The following IQCJ variants were observed in gnomAD, a reference collection of about 807,000 sequenced individuals.
IQCJ encodes the protein IQ domain-containing protein J.
A neutral mutation model predicts 11.0 loss-of-function variants in IQCJ; 9 were observed. The observed-to-expected ratio is 0.82, with a 90% CI of 0.49 to 1.43. The LOEUF (loss-of-function observed/expected upper bound fraction) is 1.43, where lower values mean the gene tolerates loss of function less well. Among genes scored for constraint, IQCJ ranks in the 40% most tolerant of loss-of-function variants. The pLI is 0.00. For missense variants in IQCJ, 146 were observed against 133.2 expected (o/e 1.10, Z -0.47); for synonymous variants, 55 against 51.3 (o/e 1.07, Z -0.31).
intron 1 of IQCJ, among the ~76,000 whole-genome samples, chr3:159,179,545 C>CGGCCGGGCGCGGTGGCTCACGCCTGT (rs1425375340): frequency 6.6e-6 from 1 of 152,158 alleles, no homozygotes; most frequent in African/African-American, 2.4e-5. Context: ...AAGTGTGAAT[C>CGGCCGGGCGCGGTGGCTCACGCCTGT]ATCTTCTCAC....
At chr3:159,180,001 G>A (rs560636733) in intron 1 of IQCJ, among the ~76,000 whole-genome samples, 1 of 152,280 alleles carries the variant, frequency 6.6e-6, no homozygotes, top group Non-Finnish European at 1.5e-5. Context: ...AGAGGAGGGT[G>A]AGCATATGTG....
At chr3:159,203,970 T>C (rs1305036828) in intron 1 of IQCJ, among the ~76,000 whole-genome samples, 1 of 152,128 alleles carries the variant, frequency 6.6e-6, no homozygotes, top group African/African-American at 2.4e-5. Context: ...ACAGGGTCAG[T>C]TCTCTGTAGC....
chr3:159,185,975 C>A (rs1022195875), intron 1 of IQCJ, among the ~76,000 whole-genome samples: 2 of 152,158 alleles, frequency 1.3e-5, no homozygotes, highest in African/African-American at 4.8e-5. Flanking sequence ...GAATTAGACT[C>A]CAACTTTTGA....
At position 159,094,546 on chromosome 3, in the gene IQCJ, A is replaced by G. The variant is rs548942509; in HGVS notation, c.9+25105A>G. Among the ~76,000 whole-genome samples the G allele has an allele frequency of 1.5e-3, 223 of 149,804 alleles. 3 individuals carry two copies. Among genetic ancestry groups the G allele is most frequent in the African/African-American group, 5.5e-3 (221 of 40,350 alleles). ...TTTAGGAGGACAGATATCAGACCCT[A>G]CCTTACACGATTCCATCCTTCAATG... On this transcript the variant is annotated intron_variant, in intron 1 of 3. Coordinates refer to ENST00000397832, the MANE Select transcript of IQCJ (RefSeq NM_001042706.3).
intron 1 of IQCJ, among the ~76,000 whole-genome samples, chr3:159,173,496 G>T (rs1174713719): frequency 6.6e-6 from 1 of 152,170 alleles, no homozygotes; most frequent in Non-Finnish European, 1.5e-5. Flanking sequence ...TCGCAGGATA[G>T]TTTTACGTTA....
At chr3:159,224,825 A>G (rs1161964504) in intron 1 of IQCJ, among the ~76,000 whole-genome samples, 1 of 152,188 alleles carries the variant, frequency 6.6e-6, no homozygotes, top group Non-Finnish European at 1.5e-5. Context: ...GAAAGACATA[A>G]AGGGAGAATC....
intron 2 of IQCJ, among the ~76,000 whole-genome samples, chr3:159,250,108 T>C (rs564933879): frequency 3.9e-4 from 59 of 152,360 alleles, no homozygotes; most frequent in African/African-American, 1.3e-3. Context: ...GTAAGAGATG[T>C]GTGATTGCAA....
intron 1 of IQCJ, among the ~76,000 whole-genome samples, chr3:159,222,904 A>G (rs999034723): frequency 1.3e-5 from 2 of 152,114 alleles, no homozygotes; most frequent in Non-Finnish European, 2.9e-5. Context: ...ATATTCTAGT[A>G]AAGTTATTCA....
intron 1 of IQCJ, among the ~76,000 whole-genome samples, chr3:159,108,109 A>G (rs1261012978): frequency 6.6e-6 from 1 of 152,134 alleles, no homozygotes; most frequent in East Asian, 1.9e-4. Flanking sequence ...TCCCTAGTTC[A>G]GGTTAGTGAA....
intron 1 of IQCJ, among the ~76,000 whole-genome samples, chr3:159,181,368 T>C (rs1723080252): frequency 6.8e-6 from 1 of 147,424 alleles, no homozygotes; most frequent in Non-Finnish European, 1.5e-5. Context: ...GCATTCTCAC[T>C]GGGCAGGAAG....
chr3:159,185,293 G>T (rs1164892057), intron 1 of IQCJ, among the ~76,000 whole-genome samples: 2 of 152,052 alleles, frequency 1.3e-5, no homozygotes, highest in Admixed American at 1.3e-4. Context: ...TCACAGGAGG[G>T]CATTCTGATT....
intron 1 of IQCJ, among the ~76,000 whole-genome samples, chr3:159,227,761 T>A (rs1725944307): frequency 6.6e-6 from 1 of 152,244 alleles, no homozygotes; most frequent in South Asian, 2.1e-4. Context: ...TTGTAAATGT[T>A]TTATCAAAAA....
intron 2 of IQCJ, among the ~76,000 whole-genome samples, chr3:159,248,878 A>G (rs944978600): frequency 4.0e-5 from 6 of 148,410 alleles, no homozygotes; most frequent in Non-Finnish European, 7.4e-5. Context: ...TTTTTTTGAG[A>G]TGGGGTCTTG....
chr3:159,163,512 A>C (rs1244726689), intron 1 of IQCJ, among the ~76,000 whole-genome samples: 1 of 152,294 alleles, frequency 6.6e-6, no homozygotes, highest in East Asian at 1.9e-4. Flanking sequence ...GAAAACTGGC[A>C]CAAGACAGGG....
intron 1 of IQCJ, among the ~76,000 whole-genome samples, chr3:159,103,975 T>C (rs910975926): frequency 1.3e-5 from 2 of 152,226 alleles, no homozygotes; most frequent in Admixed American, 6.5e-5. Context: ...TGGGGCCCCA[T>C]CTAGTGAGGC....
intron 1 of IQCJ, among the ~76,000 whole-genome samples, chr3:159,165,434 G>A (rs1577054388): frequency 6.6e-6 from 1 of 152,284 alleles, no homozygotes; most frequent in East Asian, 1.9e-4. Flanking sequence ...CAGATGTGGG[G>A]GATGGCAGGA....
chr3:159,074,171 CG>C (rs1559973744), intron 1 of IQCJ, among the ~76,000 whole-genome samples: 1 of 151,916 alleles, frequency 6.6e-6, no homozygotes, highest in East Asian at 1.9e-4. Context: ...AATAGGCTTG[CG>C]TGAAGGTGAA....
chr3:159,149,349 T>A (rs550189959), intron 1 of IQCJ, among the ~76,000 whole-genome samples: 1 of 152,336 alleles, frequency 6.6e-6, no homozygotes, highest in East Asian at 1.9e-4. Context: ...GGAGCTGTTT[T>A]TGAATTATTC....
At chr3:159,090,188 G>C (rs1017763752) in intron 1 of IQCJ, among the ~76,000 whole-genome samples, 9 of 151,700 alleles carry the variant, frequency 5.9e-5, no homozygotes, top group Admixed American at 5.2e-4. Flanking sequence ...CCTGTGAGGT[G>C]TCAGTCTGCC....
Sources: allele counts gnomAD v4.1 joint callset (sites outside exome capture counted in the v4.1 genomes callset), GRCh38; gene constraint gnomAD v4.1.1; transcripts MANE v1.5; gene names NCBI Gene and HGNC (gene_info 2026-07-23, HGNC 2026-07-21).